The following CELF2 variants were observed in gnomAD, a reference collection of about 807,000 sequenced individuals.
CELF2 encodes the protein CUGBP Elav-like family member 2, also known as CUG triplet repeat RNA-binding protein 2.
Under a neutral mutation model 62.6 loss-of-function variants are expected in CELF2, and 8 were observed. The ratio of observed to expected loss-of-function variants is 0.13; its 90% CI spans 0.07 to 0.23. The LOEUF (loss-of-function observed/expected upper bound fraction) is 0.23, where lower values mean the gene tolerates loss of function less well. Ranked by LOEUF, CELF2 falls within the 10% of genes least tolerant of loss-of-function variation. The pLI is 1.00. For synonymous variants in CELF2, 258 were observed against 250.0 expected (o/e 1.03, Z -0.30); for missense variants, 333 against 671.0 (o/e 0.50, Z 5.56).
intron 1 of CELF2, among the ~76,000 whole-genome samples, chr10:10,891,330 A>T (rs2062122848): frequency 6.6e-6 from 1 of 152,146 alleles, no homozygotes; most frequent in Admixed American, 6.6e-5. Flanking sequence ...CATGGAAGAA[A>T]TGCTGTTGCC....
At chr10:10,646,296 C>A in the CELF2 span, among the ~76,000 whole-genome samples, 1 of 152,158 alleles carries the variant, frequency 6.6e-6, no homozygotes, top group African/African-American at 2.4e-5. Flanking sequence ...AATCAGTAAA[C>A]ATCCATGAAC....
chr10:10,710,456 C>T, the CELF2 span, among the ~76,000 whole-genome samples: 1 of 152,138 alleles, frequency 6.6e-6, no homozygotes, highest in Non-Finnish European at 1.5e-5. Flanking sequence ...ATCACTTATT[C>T]AAGAAACATA....
chr10:10,663,427 T>C, the CELF2 span, among the ~76,000 whole-genome samples: 11 of 152,324 alleles, frequency 7.2e-5, no homozygotes, highest in Admixed American at 7.2e-4. Flanking sequence ...CAAGAACTCT[T>C]AACTCTTTAA....
chr10:10,530,149 G>A, the CELF2 span, among the ~76,000 whole-genome samples: 1 of 152,146 alleles, frequency 6.6e-6, no homozygotes. Context: ...CAAAGCAGAA[G>A]GAAGGTTATT....
chr10:11,308,594 A>T (rs1463244674), intron 9 of CELF2, among the ~76,000 whole-genome samples: 1 of 152,184 alleles, frequency 6.6e-6, no homozygotes, highest in African/African-American at 2.4e-5. Context: ...CCATTTTTTT[A>T]AATCAGGACA....
At chr10:11,056,501 C>T (rs1159530745) in intron 1 of CELF2, among the ~76,000 whole-genome samples, 1 of 152,110 alleles carries the variant, frequency 6.6e-6, no homozygotes, top group African/African-American at 2.4e-5. Flanking sequence ...AGCATACTTT[C>T]CATAAAATGC....
At chr10:11,253,816 G>A (rs1589905404) in intron 4 of CELF2, among the ~76,000 whole-genome samples, 3 of 152,108 alleles carry the variant, frequency 2.0e-5, no homozygotes, top group Non-Finnish European at 4.4e-5. Flanking sequence ...CTAATCACGG[G>A]GGACCCCATC....
At chr10:10,946,381 A>C (rs1451650455) in intron 2 of CELF2, 1 of 152,606 alleles carries the variant, frequency 6.6e-6, no homozygotes, top group Non-Finnish European at 1.5e-5. Flanking sequence ...TAAATTACCT[A>C]CAGAGCTTTC....
intron 4 of CELF2, 89 bp downstream of exon 4, chr10:11,249,290 T>C (rs1360818908): frequency 9.6e-7 from 1 of 1,044,470 alleles, no homozygotes; most frequent in African/African-American, 1.6e-5. Flanking sequence ...CCGGCCCAGC[T>C]GCTTTTCTCT....
At chr10:10,703,592 G>A in the CELF2 span, among the ~76,000 whole-genome samples, 1 of 152,236 alleles carries the variant, frequency 6.6e-6, no homozygotes, top group Non-Finnish European at 1.5e-5. Context: ...AATGTCTAGA[G>A]ATGCGGAATG....
intron 1 of CELF2, among the ~76,000 whole-genome samples, chr10:10,843,503 T>C (rs2058818569): frequency 6.6e-6 from 1 of 152,030 alleles, no homozygotes; most frequent in Non-Finnish European, 1.5e-5. Context: ...TACTGATCTA[T>C]AATTTAATTA....
chr10:10,868,136 C>T (rs1165941159), intron 1 of CELF2, among the ~76,000 whole-genome samples: 1 of 152,172 alleles, frequency 6.6e-6, no homozygotes. Flanking sequence ...CATACCACCC[C>T]CAGAATTAGT....
At position 11,324,355 on chromosome 10, in the gene CELF2, A is replaced by G. The variant is rs1233869936; in HGVS notation, c.1295-1481A>G. ...ATCAGACATACCACCCAGGATGTGC[A>G]CACACAGCAGTGCTCAGAACATCCC... On this transcript the variant is annotated intron_variant, in intron 11 of 12. Coordinates refer to ENST00000633077, the MANE Select transcript of CELF2 (RefSeq NM_001326342.2). This position sits in a 1 kb window ranked among gnomAD's most constrained non-coding sequence, Gnocchi z 4.7. Among the ~76,000 whole-genome samples the G allele has an allele frequency of 6.6e-6, 1 of 152,216 alleles. No homozygotes were observed. Among genetic ancestry groups the G allele is most frequent in the Non-Finnish European group, 1.5e-5 (1 of 68,034 alleles).
chr10:10,811,102 C>T (rs1341679814), intron 1 of CELF2, among the ~76,000 whole-genome samples: 1 of 152,184 alleles, frequency 6.6e-6, no homozygotes, highest in East Asian at 1.9e-4. Flanking sequence ...GACTCACGAC[C>T]AAAGACCCAG....
At chr10:11,161,859 G>A (rs1390422814) in intron 1 of CELF2, among the ~76,000 whole-genome samples, 1 of 152,148 alleles carries the variant, frequency 6.6e-6, no homozygotes, top group East Asian at 1.9e-4. Flanking sequence ...GAGCACATTG[G>A]CTGTCCTTAG....
At chr10:10,541,980 A>T in the CELF2 span, among the ~76,000 whole-genome samples, 1 of 152,206 alleles carries the variant, frequency 6.6e-6, no homozygotes, top group Non-Finnish European at 1.5e-5. Context: ...TTTACTTGCT[A>T]ATTGAAGTTC....
the CELF2 span, among the ~76,000 whole-genome samples, chr10:10,689,445 T>C: frequency 6.6e-6 from 1 of 152,080 alleles, no homozygotes; most frequent in African/African-American, 2.4e-5. Flanking sequence ...GATATTTGGG[T>C]GGGGACACAG....
At chr10:10,824,619 A>G (rs781556736) in intron 1 of CELF2, among the ~76,000 whole-genome samples, 1 of 152,232 alleles carries the variant, frequency 6.6e-6, no homozygotes, top group African/African-American at 2.4e-5. Flanking sequence ...ATGTTGAACC[A>G]TACTTTTGGT....
chr10:11,158,025 A>T (rs1040800282), intron 1 of CELF2, among the ~76,000 whole-genome samples: 33 of 152,216 alleles, frequency 2.2e-4, no homozygotes, highest in African/African-American at 7.2e-4. Context: ...GTTAAAAATC[A>T]TTCTTCATCT....
Sources: allele counts gnomAD v4.1 joint callset (sites outside exome capture counted in the v4.1 genomes callset), GRCh38; gene constraint gnomAD v4.1.1; non-coding constraint Gnocchi (gnomAD v3.1); transcripts MANE v1.5; gene names NCBI Gene and HGNC (gene_info 2026-07-23, HGNC 2026-07-21).